RPL26: variants seen among roughly 807,000 people sequenced by gnomAD.
The protein encoded by RPL26 is large ribosomal subunit protein uL24.
In RPL26, 1 loss-of-function variant was observed where a neutral mutation model predicts 16.2. The observed-to-expected ratio is 0.06, with a 90% CI of 0.02 to 0.29. The LOEUF (loss-of-function observed/expected upper bound fraction) is 0.29. Ranked by LOEUF, RPL26 falls within the 10% of genes least tolerant of loss-of-function variation. The probability of loss-of-function intolerance (pLI) is 1.00; values close to 1 mark genes in which losing one functional copy is unlikely to be tolerated. For synonymous variants in RPL26, 55 were observed against 62.4 expected (o/e 0.88, Z 0.56); for missense variants, 102 against 184.3 (o/e 0.55, Z 2.58).
At position 8,379,829 on chromosome 17, in the gene RPL26, G is replaced by A; in HGVS notation, c.276C>T (p.Gly92=). 1 of 1,613,652 alleles carries A rather than the reference G, an allele frequency of 6.2e-7. No individual in the cohort carries two copies. Among genetic ancestry groups the A allele is most frequent in the Non-Finnish European group, 8.5e-7 (1 of 1,179,862 alleles). The change falls in exon 3 of 4, where the codon GGC becomes GGT. Residue 92 remains glycine (G), a synonymous_variant. Transcript: ENST00000648839. ...GGTGAATGCCTACGTGGACAGTTGT[G>A]CCATTAGCCTTTTCCCGCTGCACCC... The part of the protein sequence containing the change: ...IERVQREKAN[G]TTVHVGIHPS...
At chr17:8,379,694 A>C in intron 3 of RPL26, 102 bp downstream of exon 3, 1 of 1,081,706 alleles carries the variant, frequency 9.2e-7, no homozygotes, top group South Asian at 1.5e-5. Context: ...TTTCCAGCAC[A>C]TGTAAAATCA....
At position 8,382,321 on chromosome 17, in the gene RPL26, TAAAA is replaced by T. The variant is rs1239952425; in HGVS notation, c.-5-10_-5-7del. On this transcript the variant is annotated splice_polypyrimidine_tract_variant and splice_region_variant and intron_variant, in intron 1 of 3. Transcript: ENST00000648839. ...GGGATTAAACTTCATTTTGGCTAAA[TAAAA>T]AGTTAAAAAGACTCTTAAATGACCA... The T allele has an allele frequency of 6.2e-7, 1 of 1,601,824 alleles. No homozygotes were observed. Among genetic ancestry groups the T allele is most frequent in the Non-Finnish European group, 8.5e-7 (1 of 1,172,368 alleles).
At chr17:8,383,027 A>T (rs1597497000) in intron 1 of RPL26, 130 bp downstream of exon 1, 1 of 398,230 alleles carries the variant, frequency 2.5e-6, no homozygotes, top group Non-Finnish European at 4.4e-6. Flanking sequence ...CAGATAAAAA[A>T]CCATCCCAGT....
intron 2 of RPL26, chr17:8,380,142 C>G: frequency 5.4e-6 from 3 of 552,290 alleles, no homozygotes. Flanking sequence ...GTATTTAAAT[C>G]TGAACCCATT....
chr17:8,381,902 C>CG, intron 2 of RPL26: 1 of 356,310 alleles, frequency 2.8e-6, no homozygotes, highest in South Asian at 2.6e-5. Context: ...GCACTCCAGC[C>CG]TGGGGGGGAC....
At position 8,379,718 on chromosome 17, in the gene RPL26, T is replaced by C. The variant is rs914242374; in HGVS notation, c.309+78A>G. 19 of 1,339,726 alleles carry C rather than the reference T, an allele frequency of 1.4e-5. No homozygotes were observed. The African/African-American group carries it at 1.6e-4, about 11-fold the overall frequency. 83.0% of individuals were successfully genotyped at this position (1,339,726 alleles called of 1,614,324 possible). A position where few individuals can be genotyped will look rare whatever the true frequency, so the allele number is the denominator to read the frequency against. The stretch of plus-strand genomic sequence containing the variant: ...CATGTAAAATCAAGGACTATTTCTA[T>C]GGCCTTGCTCTGTAAACAATCATGT... On this transcript the variant is annotated intron_variant, in intron 3 of 3. Transcript: ENST00000648839.
At chr17:8,381,816 C>A in intron 2 of RPL26, 1 of 234,404 alleles carries the variant, frequency 4.3e-6, no homozygotes, top group South Asian at 4.6e-5. Flanking sequence ...GTAATCCCAG[C>A]TACTCGGGAG....
chr17:8,382,351 A>C lies in RPL26; in HGVS notation c.-5-36T>G, dbSNP rs1028466609. The C allele has an allele frequency of 5.5e-6, 8 of 1,454,472 alleles. No individual in the cohort carries two copies. In the African/African-American group the frequency reaches 9.8e-5, roughly 18 times the overall value. The allele number at this position is 1,454,472 out of a possible 1,614,324, so 90.1% of individuals were successfully genotyped here. On this transcript the variant is annotated intron_variant, in intron 1 of 3. Coordinates refer to ENST00000648839, the MANE Select transcript of RPL26 (RefSeq NM_000987.5). Reference sequence around the variant, plus strand: ...AGTTAAAAAGACTCTTAAATGACCAAAATCTCATCCAGCTTCCAAACAAAT... The same window carrying C: ...AGTTAAAAAGACTCTTAAATGACCACAATCTCATCCAGCTTCCAAACAAAT...
intron 3 of RPL26, 197 bp downstream of exon 3, chr17:8,379,599 C>G (rs1423349965): frequency 3.4e-6 from 2 of 596,658 alleles, no homozygotes; most frequent in Non-Finnish European, 5.9e-6. Context: ...AACATAATGA[C>G]CGTTAACACT....
rs1239952425 is a variant in RPL26 at position 8,382,321 on chromosome 17, TAA to T, written c.-5-8_-5-7del. The T allele has an allele frequency of 1.2e-6, 2 of 1,601,824 alleles. No homozygotes were observed. The highest frequency in any genetic ancestry group is 2.2e-5 in the South Asian group (2 of 89,458). ...GGGATTAAACTTCATTTTGGCTAAA[TAA>T]AAAGTTAAAAAGACTCTTAAATGAC... On this transcript the variant is annotated splice_polypyrimidine_tract_variant and splice_region_variant and intron_variant, in intron 1 of 3. Transcript: ENST00000648839.
rs201307266 is a variant in RPL26, at chr17:8,377,618, T to C, written c.384A>G (p.Val128=). ...CCTTGTATTTGCCCTTTTCCTTTCC[T>C]ACTTGGCGAGATTTGGCTTTCCGTT... ...ILERKAKSRQ[V]GKEKGKYKEE... Residue 128 remains valine (V), a synonymous_variant, in exon 4 of 4, where the codon GTA becomes GTG. Transcript: ENST00000648839. 5 of 1,608,358 alleles carry C rather than the reference T, an allele frequency of 3.1e-6. No individual in the cohort carries two copies. The South Asian group carries it at 4.4e-5, about 14-fold the overall frequency.
chr17:8,381,104 T>C (rs1026222188), intron 2 of RPL26: 3 of 152,168 alleles, frequency 2.0e-5, no homozygotes, highest in African/African-American at 7.2e-5. Flanking sequence ...CATCTGATCT[T>C]GTGGCCCCCA....
At chr17:8,377,722 A>G in intron 3 of RPL26, 30 bp from the exon 4 acceptor site, 1 of 1,590,682 alleles carries the variant, frequency 6.3e-7, no homozygotes, top group Non-Finnish European at 8.6e-7. Flanking sequence ...AAACACTCCC[A>G]AGCTTTAAAT....
intron 2 of RPL26, among the ~76,000 whole-genome samples, chr17:8,380,258 TTG>T (rs1392592311): frequency 3.3e-5 from 5 of 152,204 alleles, no homozygotes; most frequent in African/African-American, 1.2e-4. Context: ...GGTCCTCAGT[TTG>T]TGAGGACAAG....
In RPL26 at chr17:8,382,323, A is replaced by C; in HGVS notation, c.-5-8T>G. On this transcript the variant is annotated splice_region_variant and splice_polypyrimidine_tract_variant and intron_variant, in intron 1 of 3. Transcript: ENST00000648839. Reference sequence around the variant, plus strand: ...GATTAAACTTCATTTTGGCTAAATAAAAAGTTAAAAAGACTCTTAAATGAC... The same window carrying C: ...GATTAAACTTCATTTTGGCTAAATACAAAGTTAAAAAGACTCTTAAATGAC... 6.2e-7 allele frequency: 1 copy of C among 1,602,704 alleles called. No individual in the cohort carries two copies. Among genetic ancestry groups the C allele is most frequent in the Non-Finnish European group, 8.5e-7 (1 of 1,172,736 alleles).
rs748748690 is a variant in RPL26 at position 8,382,252 on chromosome 17, T to C, written c.59A>G (p.Asn20Ser). 5.6e-6 allele frequency: 9 copies of C among 1,613,780 alleles called. No homozygotes were observed. In the South Asian group the frequency reaches 9.9e-5, roughly 18 times the overall value. Residue 20 changes from asparagine to serine, a missense_variant, in exon 2 of 4, where the codon AAT becomes AGT. Transcript: ENST00000648839. The stretch of plus-strand genomic sequence containing the variant: ...CTTCCTTCGAATGTGGGAAGGTGCA[T>C]TGAAATGCCTTTTGCGATTCTTGCT... Reference protein sequence around the residue: ...DRSKNRKRHFNAPSHIRRKIM... With the variant: ...DRSKNRKRHFSAPSHIRRKIM...
chr17:8,379,978 T>C (rs564375235), intron 2 of RPL26, 42 bp from the exon 3 acceptor site: 4 of 1,538,162 alleles, frequency 2.6e-6, no homozygotes, highest in African/African-American at 2.7e-5. Context: ...GAATAAAAGA[T>C]TAACCTTGTA....
intron 2 of RPL26, 199 bp downstream of exon 2, chr17:8,381,944 A>G: frequency 2.0e-6 from 1 of 491,756 alleles, no homozygotes; most frequent in South Asian, 2.4e-5. Context: ...AAAAAAAAAA[A>G]AAAAAGATTT....
intron 2 of RPL26, chr17:8,381,468 T>C (rs1476990604): frequency 6.6e-6 from 1 of 152,250 alleles, no homozygotes. Flanking sequence ...CATCTGACGT[T>C]TGAGGAAACT....
Sources: allele counts gnomAD v4.1 joint callset (sites outside exome capture counted in the v4.1 genomes callset), GRCh38; gene constraint gnomAD v4.1.1; transcripts MANE v1.5; gene names NCBI Gene and HGNC (gene_info 2026-07-23, HGNC 2026-07-21).